DBNDD2: variants seen among roughly 807,000 people sequenced by gnomAD.
DBNDD2 encodes the protein dysbindin domain containing 2.
Under a neutral mutation model 14.0 loss-of-function variants are expected in DBNDD2, and 8 were observed. That is an observed-to-expected ratio of 0.57 (90% confidence interval 0.33 to 1.03). DBNDD2 has a LOEUF of 1.03. DBNDD2 is among the 50% of genes least tolerant of loss of function. The pLI is 0.03. For missense variants in DBNDD2, 194 were observed against 206.0 expected, an observed-to-expected ratio of 0.94 and a Z score of 0.36; for synonymous variants, 94 against 85.3, an observed-to-expected ratio of 1.10 and a Z score of -0.56.
Position 45,410,190 on chromosome 20 carries a change from G to A in DBNDD2, c.*50G>A. The A allele has an allele frequency of 3.9e-6, 6 of 1,545,194 alleles. No homozygotes were observed. The highest frequency in any genetic ancestry group is 5.3e-6 in the Non-Finnish European group (6 of 1,142,582). On this transcript the variant is annotated 3_prime_UTR_variant, in exon 3 of 3. Coordinates refer to ENST00000372710, the MANE Select transcript of DBNDD2 (RefSeq NM_001048225.4). ...ACCACGCTGGCTATTCTCCACATGA[G>A]ACCACAGGCCCAGCCAGAGCCTGTC... is the stretch of plus-strand genomic sequence containing the variant.
chr20:45,407,042 C>T (rs1470694032), upstream of DBNDD2, among the ~76,000 whole-genome samples: 1 of 152,178 alleles, frequency 6.6e-6, no homozygotes, highest in African/African-American at 2.4e-5. Context: ...CTCCGCGGCC[C>T]CCCGGGGGAC....
chr20:45,406,418 T>C (rs1423543969), upstream of DBNDD2: 1 of 1,509,104 alleles, frequency 6.6e-7, no homozygotes, highest in Non-Finnish European at 8.9e-7. Flanking sequence ...GCGAGGGTGG[T>C]GCAGAGGAGT....
At chr20:45,406,242 G>A (rs148978300), upstream of DBNDD2, 761 of 534,130 alleles carry the variant, frequency 1.4e-3, 2 homozygotes, top group African/African-American at 0.014. Flanking sequence ...AAGGGTGCCG[G>A]AGGCAGGGTT....
rs548396536 is a variant in DBNDD2, at chr20:45,410,575, G to A, written c.*435G>A. 1.7e-5 allele frequency: 3 copies of A among 173,478 alleles called. No homozygotes were observed. The highest frequency in any genetic ancestry group is 1.5e-4 in the South Asian group (1 of 6,834). The allele number at this position is 173,478 out of a possible 1,614,324, so 10.7% of individuals were successfully genotyped here. A position where few individuals can be genotyped will look rare whatever the true frequency, so the allele number is the denominator to read the frequency against. Reference sequence around the variant, plus strand: ...TTACATCCTTTTTGGAACAGAGCACGGTATAAATAATAAACTAATAATAAT... The same window carrying A: ...TTACATCCTTTTTGGAACAGAGCACAGTATAAATAATAAACTAATAATAAT... On this transcript the variant is annotated 3_prime_UTR_variant, in exon 3 of 3. Transcript: ENST00000372710.
At chr20:45,406,466 CT>C, upstream of DBNDD2, 1 of 1,526,820 alleles carries the variant, frequency 6.5e-7, no homozygotes, top group Non-Finnish European at 8.8e-7. Context: ...GTGCGGGTAA[CT>C]TTTTGACCGC....
chr20:45,406,710 C>A, upstream of DBNDD2: 1 of 1,302,426 alleles, frequency 7.7e-7, no homozygotes, highest in South Asian at 2.3e-5. Context: ...CGGACTGAGT[C>A]AGAGGGGGCG....
upstream of DBNDD2, chr20:45,406,540 G>C (rs771004237): frequency 4.6e-6 from 7 of 1,516,838 alleles, no homozygotes; most frequent in South Asian, 3.7e-5. Flanking sequence ...AGCTGCGAGC[G>C]AGTGAGCCCG....
At chr20:45,408,726 G>A in intron 1 of DBNDD2, 75 bp from the exon 2 acceptor site, 1 of 1,582,008 alleles carries the variant, frequency 6.3e-7, no homozygotes, top group South Asian at 1.1e-5. Context: ...TTCTAACTTG[G>A]GACCTGACAT....
In DBNDD2 at chr20:45,410,235, T is replaced by C; in HGVS notation, c.*95T>C. 7.6e-7 allele frequency: 1 copy of C among 1,320,472 alleles called. No homozygotes were observed. Among genetic ancestry groups the C allele is most frequent in the Non-Finnish European group, 1.0e-6 (1 of 952,594 alleles). The allele number at this position is 1,320,472 out of a possible 1,614,324, so 81.8% of individuals were successfully genotyped here. On this transcript the variant is annotated 3_prime_UTR_variant, in exon 3 of 3. Coordinates refer to ENST00000372710, the MANE Select transcript of DBNDD2 (RefSeq NM_001048225.4). ...CCTGTCGGGAGAAGACCAGACTCTT[T>C]ACTTGCAGTAGGCACCAGAGGTGGG...
At chr20:45,407,837 T>G, upstream of DBNDD2, 1 of 1,098,118 alleles carries the variant, frequency 9.1e-7, no homozygotes, top group Non-Finnish European at 1.1e-6. Flanking sequence ...GTGATTTCCT[T>G]AGGGGCAGAG....
chr20:45,408,652 G>A, intron 1 of DBNDD2, 46 bp downstream of exon 1: 3 of 1,597,266 alleles, frequency 1.9e-6, no homozygotes, highest in Non-Finnish European at 2.6e-6. Context: ...GGGTAGGGAG[G>A]ATGTCCTGTG....
rs372266907 is a variant in DBNDD2 at position 45,408,796 on chromosome 20, C to T, written c.140-5C>T. ...CTCCTGACTTGCCCACTTCTTGATC[C>T]GCAGCCCCCATAGGTAGTATCTCAT... On this transcript the variant is annotated splice_polypyrimidine_tract_variant and splice_region_variant and intron_variant, in intron 1 of 2. Coordinates refer to ENST00000372710, the MANE Select transcript of DBNDD2 (RefSeq NM_001048225.4). 38 of 1,613,660 alleles carry T rather than the reference C, an allele frequency of 2.4e-5. No homozygotes were observed. The African/African-American group carries it at 2.7e-4, about 11-fold the overall frequency.
chr20:45,407,098 AAG>A, upstream of DBNDD2: 1 of 172,060 alleles, frequency 5.8e-6, no homozygotes, highest in Non-Finnish European at 1.2e-5. Context: ...GGGAGGGGAA[AAG>A]AGAGGGGGTG....
chr20:45,406,212 T>TAAGTGTGGC (rs1026960074), upstream of DBNDD2: 11 of 489,536 alleles, frequency 2.2e-5, no homozygotes, highest in African/African-American at 2.3e-4. Flanking sequence ...TGCGCGCGTG[T>TAAGTGTGGC]AAGTGTGGCG....
upstream of DBNDD2, chr20:45,407,275 C>T (rs1055335203): frequency 2.4e-5 from 24 of 980,714 alleles, no homozygotes; most frequent in African/African-American, 3.1e-4. Context: ...CTCGCTCCTC[C>T]GCCGCCAGCC....
In DBNDD2 at chr20:45,410,096, G is replaced by T; in HGVS notation, c.442G>T (p.Glu148Ter). The change falls in exon 3 of 3, where the codon GAG becomes TAG. Residue 148 changes from glutamate to a stop codon, truncating the protein, a stop_gained. Coordinates refer to ENST00000372710, the MANE Select transcript of DBNDD2 (RefSeq NM_001048225.4). LOFTEE classifies it high-confidence loss of function. ...GCCCTTGGCACAGTCGGATGAAGAG[G>T]AGGAAAGGGGTGATGGAGGGGCAGA... ...DTPLAQSDEE[E>*]ERGDGGAEPG... is the part of the protein sequence containing the mutation. 6.4e-7 allele frequency: 1 copy of T among 1,553,290 alleles called. No homozygotes were observed. Among genetic ancestry groups the T allele is most frequent in the South Asian group, 1.2e-5 (1 of 84,110 alleles).
chr20:45,407,315 T>A (rs565808908), upstream of DBNDD2: 2 of 985,870 alleles, frequency 2.0e-6, no homozygotes, highest in African/African-American at 1.7e-5. Context: ...CAGACTTCCG[T>A]GGCCCTGCCT....
upstream of DBNDD2, chr20:45,407,511 C>T (rs1989518555): frequency 2.0e-6 from 2 of 985,844 alleles, no homozygotes; most frequent in Non-Finnish European, 2.4e-6. Flanking sequence ...AGGAGATGAG[C>T]GAATGGGAAT....
At chr20:45,406,545 A>G (rs1989397989), upstream of DBNDD2, 1 of 1,514,742 alleles carries the variant, frequency 6.6e-7, no homozygotes, top group Non-Finnish European at 8.9e-7. Flanking sequence ...CGAGCGAGTG[A>G]GCCCGCCACC....
Sources: gnomAD v4.1 joint callset for allele counts (sites outside exome capture counted in the v4.1 genomes callset) on GRCh38, gnomAD v4.1.1 for gene constraint, MANE v1.5 for transcripts, NCBI Gene and HGNC (gene_info 2026-07-23, HGNC 2026-07-21) for gene names.